EPN2: variants seen among roughly 807,000 people sequenced by gnomAD.
EPN2 encodes the protein epsin 2.
EPN2 carries 34 observed loss-of-function variants against 61.7 expected under a neutral mutation model. The observed-to-expected ratio is 0.55, with a 90% CI of 0.42 to 0.73. The LOEUF (loss-of-function observed/expected upper bound fraction) is 0.73, where lower values mean the gene tolerates loss of function less well. Ranked by LOEUF, EPN2 falls within the 30% of genes least tolerant of loss-of-function variation. The probability of loss-of-function intolerance (pLI) is 0.00; values close to 1 mark genes in which losing one functional copy is unlikely to be tolerated. For missense variants in EPN2, 714 were observed against 839.2 expected (o/e 0.85, Z 1.84); for synonymous variants, 349 against 353.6 (o/e 0.99, Z 0.15).
At chr17:19,328,959 C>T (rs1003446222) in intron 8 of EPN2, 72 bp downstream of exon 8, 4 of 1,396,238 alleles carry the variant, frequency 2.9e-6, no homozygotes, top group South Asian at 1.3e-5. Flanking sequence ...GCTCCTGGCT[C>T]CTAGGCATCA....
intron 7 of EPN2, among the ~76,000 whole-genome samples, chr17:19,328,118 C>T (rs545030845): frequency 4.6e-5 from 7 of 152,256 alleles, no homozygotes; most frequent in Admixed American, 4.6e-4. Flanking sequence ...TTGATTTTGT[C>T]ACTCCCTGTT....
intron 1 of EPN2, among the ~76,000 whole-genome samples, chr17:19,263,392 A>G (rs927572924): frequency 6.6e-6 from 1 of 152,216 alleles, no homozygotes; most frequent in Non-Finnish European, 1.5e-5. Context: ...ACTAGTAAGG[A>G]GGGAGTTCCA....
Position 19,331,910 on chromosome 17 carries a change from T to C in EPN2, c.1469T>C (p.Phe490Ser), listed in dbSNP as rs781508076. ...QNNGTTSPDPFESQPLTVASS... is the reference protein window; with the variant it reads ...QNNGTTSPDPSESQPLTVASS... ...AATGGAACTACCAGCCCTGACCCCT[T>C]TGAGTCTCAACCCCTGACTGTCGCC... The change falls in exon 10 of 11, where the codon TTT (phenylalanine) becomes TCT (serine). Residue 490 changes from phenylalanine to serine, a missense_variant. Physicochemically the swap from Phe to Ser is radical, Grantham distance 155. Transcript: ENST00000314728. 4 of 1,614,130 alleles carry C rather than the reference T, an allele frequency of 2.5e-6. No individual in the cohort carries two copies. The highest frequency in any genetic ancestry group is 1.7e-5 in the Admixed American group (1 of 60,022).
intron 1 of EPN2, among the ~76,000 whole-genome samples, chr17:19,266,372 A>G (rs949141751): frequency 1.3e-5 from 2 of 151,658 alleles, no homozygotes; most frequent in South Asian, 2.1e-4. Context: ...CAAACACCCC[A>G]TAGATGTCCA....
At chr17:19,287,850 G>A (rs1415123787) in intron 4 of EPN2, among the ~76,000 whole-genome samples, 1 of 152,168 alleles carries the variant, frequency 6.6e-6, no homozygotes, top group Non-Finnish European at 1.5e-5. Flanking sequence ...TTTCTTTCAT[G>A]TGCCATATGT....
intron 4 of EPN2, among the ~76,000 whole-genome samples, chr17:19,297,611 G>A (rs1266671338): frequency 6.6e-6 from 1 of 152,158 alleles, no homozygotes; most frequent in Non-Finnish European, 1.5e-5. Flanking sequence ...GTGGTGTTCA[G>A]GCAGGCAGTG....
chr17:19,316,596 T>C (rs1488415257), intron 7 of EPN2, among the ~76,000 whole-genome samples: 2 of 152,274 alleles, frequency 1.3e-5, no homozygotes, highest in Non-Finnish European at 2.9e-5. Context: ...TGTTAGCTTG[T>C]CTGCTTCCTG....
At chr17:19,252,851 G>A (rs1202183707) in intron 1 of EPN2, among the ~76,000 whole-genome samples, 10 of 151,864 alleles carry the variant, frequency 6.6e-5, no homozygotes, top group Admixed American at 2.0e-4. Flanking sequence ...CACCATCGCC[G>A]GCAAATTTTT....
intron 4 of EPN2, among the ~76,000 whole-genome samples, chr17:19,289,724 G>GTTTTCTTTTTTT (rs772230550): frequency 1.3e-5 from 1 of 78,028 alleles, no homozygotes; most frequent in African/African-American, 4.8e-5. Flanking sequence ...GGCGCTCATG[G>GTTTTCTTTTTTT]TTTTTTTTTT....
intron 1 of EPN2, chr17:19,274,437 A>G (rs1469133069): frequency 1.3e-5 from 2 of 152,190 alleles, no homozygotes; most frequent in African/African-American, 2.4e-5. Flanking sequence ...TGAGGTGAAG[A>G]TGTTCAGGTC....
At chr17:19,243,353 G>A (rs1227478417) in intron 1 of EPN2, among the ~76,000 whole-genome samples, 1 of 148,166 alleles carries the variant, frequency 6.7e-6, no homozygotes, top group Non-Finnish European at 1.5e-5. Context: ...GAGTAGCTGG[G>A]ATTACAGGTG....
intron 1 of EPN2, among the ~76,000 whole-genome samples, chr17:19,274,848 A>G (rs965686655): frequency 3.6e-5 from 5 of 138,050 alleles, no homozygotes; most frequent in Non-Finnish European, 7.4e-5. Context: ...CTCCTGGGGC[A>G]TAACCCTAGC....
chr17:19,295,861 G>C (rs1202394755), intron 4 of EPN2, among the ~76,000 whole-genome samples: 1 of 152,144 alleles, frequency 6.6e-6, no homozygotes, highest in Non-Finnish European at 1.5e-5. Flanking sequence ...GGGGCTGCTG[G>C]TTCCCTGTCA....
intron 4 of EPN2, among the ~76,000 whole-genome samples, chr17:19,298,983 G>A (rs1905337060): frequency 6.6e-6 from 1 of 152,058 alleles, no homozygotes; most frequent in Non-Finnish European, 1.5e-5. Flanking sequence ...TTTCTTCAAT[G>A]TGGAATTCCC....
chr17:19,333,834 G>A, intron 10 of EPN2, 122 bp from the exon 11 acceptor site: 1 of 712,656 alleles, frequency 1.4e-6, no homozygotes, highest in Non-Finnish European at 2.2e-6. Context: ...GACTCGGCCG[G>A]CACTGTCACG....
chr17:19,285,784 G>T lies in EPN2; in HGVS notation c.760G>T (p.Ala254Ser), dbSNP rs2045398813. 3 of 1,588,922 alleles carry T rather than the reference G, an allele frequency of 1.9e-6. No individual in the cohort carries two copies. Among genetic ancestry groups the T allele is most frequent in the Non-Finnish European group, 2.6e-6 (3 of 1,166,492 alleles). The stretch of plus-strand genomic sequence containing the variant: ...GCCCTGCCTCACTTGTGACCGCGCA[G>T]CCCGAGGTGGGACGGCGGTTTGCTT... ...SQPCLTCDRA[A>S]RATSPRVSSE... The change falls in exon 4 of 11, where the codon GCC becomes TCC. Residue 254 changes from alanine (A) to serine (S), a missense_variant. Ala to Ser is a moderately conservative substitution (Grantham distance 99, BLOSUM62 1). Coordinates refer to ENST00000314728, the MANE Select transcript of EPN2 (RefSeq NM_014964.5). The surrounding 1 kb of genome is among the most constrained non-coding windows in gnomAD (Gnocchi z 4.5).
intron 1 of EPN2, among the ~76,000 whole-genome samples, chr17:19,263,578 T>C (rs186528511): frequency 1.4e-4 from 22 of 152,218 alleles, no homozygotes; most frequent in Non-Finnish European, 4.4e-5. Context: ...ACAGGAGGCA[T>C]TGTGGCTGAG....
intron 1 of EPN2, among the ~76,000 whole-genome samples, chr17:19,247,414 G>A (rs2044964979): frequency 6.6e-6 from 1 of 152,202 alleles, no homozygotes; most frequent in Admixed American, 6.5e-5. Context: ...CAAGAATGGA[G>A]AAAAAATTTA....
Position 19,283,428 on chromosome 17 carries a change from C to T in EPN2, c.309C>T (p.Ile103=). The change falls in exon 3 of 11, where the codon ATC becomes ATT. Residue 103 remains isoleucine, a synonymous_variant. Transcript: ENST00000314728. This position sits in a 1 kb window ranked among gnomAD's most constrained non-coding sequence, Gnocchi z 7.0. ...AGTGCCGGGAGAACATCTTCGCCATCCAGACCCTGAAGGACTTCCAGTACA... is the reference window on the plus strand; with the variant it reads ...AGTGCCGGGAGAACATCTTCGCCATTCAGACCCTGAAGGACTTCCAGTACA... The part of the protein sequence containing the change: ...AQQCRENIFA[I]QTLKDFQYID... 6.2e-7 allele frequency: 1 copy of T among 1,614,216 alleles called. No individual in the cohort carries two copies. Among genetic ancestry groups the T allele is most frequent in the Non-Finnish European group, 8.5e-7 (1 of 1,180,046 alleles).
Sources: gnomAD v4.1 joint callset for allele counts (sites outside exome capture counted in the v4.1 genomes callset) on GRCh38, gnomAD v4.1.1 for gene constraint, Gnocchi (gnomAD v3.1) non-coding constraint, MANE v1.5 for transcripts, NCBI Gene and HGNC (gene_info 2026-07-23, HGNC 2026-07-21) for gene names.